The following GALNTL6 variants were observed in gnomAD, a reference collection of about 807,000 sequenced individuals.
The protein encoded by GALNTL6 is polypeptide N-acetylgalactosaminyltransferase-like 6.
In GALNTL6, 46 loss-of-function variants were observed where a neutral mutation model predicts 73.7. The ratio of observed to expected loss-of-function variants is 0.62; its 90% confidence interval spans 0.49 to 0.80. The LOEUF (loss-of-function observed/expected upper bound fraction) is 0.80. Ranked by LOEUF, GALNTL6 falls within the 30% of genes least tolerant of loss-of-function variation. The pLI is 0.00. For synonymous variants in GALNTL6, 259 were observed against 263.7 expected, an observed-to-expected ratio of 0.98 and a Z score of 0.17; for missense variants, 604 against 755.0, an observed-to-expected ratio of 0.80 and a Z score of 2.34.
chr4:172,255,898 AAT>A (rs768491026), intron 3 of GALNTL6, among the ~76,000 whole-genome samples: 7 of 151,490 alleles, frequency 4.6e-5, no homozygotes, highest in Non-Finnish European at 1.0e-4. Context: ...AAGAGGGGAG[AAT>A]GAACAATATC....
At position 171,893,554 on chromosome 4, in the gene GALNTL6, A is replaced by C. The variant is rs532918062; in HGVS notation, c.138+78836A>C. 6.6e-5 allele frequency among the ~76,000 whole-genome samples: 10 copies of C among 152,272 alleles called. No individual in the cohort carries two copies. In the South Asian group the frequency reaches 2.1e-3, roughly 32 times the overall value. On this transcript the variant is annotated intron_variant, in intron 2 of 12. Transcript: ENST00000506823. ...ATTTTACATAGATGTAGAAAATAGA[A>C]AATGCCCAATATCTGTGTTCCTGAA...
chr4:172,157,153 T>C (rs941348866), intron 2 of GALNTL6, among the ~76,000 whole-genome samples: 4 of 152,198 alleles, frequency 2.6e-5, no homozygotes, highest in Non-Finnish European at 5.9e-5. Context: ...ATTCCAGCAA[T>C]TGAAAATTAT....
At chr4:172,181,003 A>C (rs2110853185) in intron 2 of GALNTL6, among the ~76,000 whole-genome samples, 1 of 152,290 alleles carries the variant, frequency 6.6e-6, no homozygotes, top group Admixed American at 6.5e-5. Context: ...GAAGAAAGTC[A>C]ATGGTAGCTT....
intron 2 of GALNTL6, among the ~76,000 whole-genome samples, chr4:172,200,122 A>G (rs1053429288): frequency 2.0e-5 from 3 of 152,214 alleles, no homozygotes; most frequent in Admixed American, 6.5e-5. Context: ...ATCATCAGTA[A>G]TTTAGATGAA....
At chr4:171,932,577 A>G (rs1738221003) in intron 2 of GALNTL6, among the ~76,000 whole-genome samples, 1 of 152,176 alleles carries the variant, frequency 6.6e-6, no homozygotes, top group Non-Finnish European at 1.5e-5. Flanking sequence ...GCTCTTGAAG[A>G]AATGGGCAAA....
intron 7 of GALNTL6, among the ~76,000 whole-genome samples, chr4:172,815,035 T>A (rs1036273320): frequency 6.6e-6 from 1 of 152,166 alleles, no homozygotes; most frequent in Non-Finnish European, 1.5e-5. Context: ...ATCTTTTTAG[T>A]AATCTAAGCA....
intron 5 of GALNTL6, among the ~76,000 whole-genome samples, chr4:172,757,905 A>T (rs1340267035): frequency 6.6e-6 from 1 of 152,254 alleles, no homozygotes; most frequent in African/African-American, 2.4e-5. Context: ...GCACAAAAGC[A>T]TATGTTCTAC....
intron 2 of GALNTL6, among the ~76,000 whole-genome samples, chr4:171,887,192 G>A (rs1736629462): frequency 6.6e-6 from 1 of 152,136 alleles, no homozygotes; most frequent in Admixed American, 6.6e-5. Flanking sequence ...TAATCCCTTT[G>A]TGAGGGAGGA....
intron 2 of GALNTL6, among the ~76,000 whole-genome samples, chr4:171,897,471 G>A (rs1736954658): frequency 1.3e-5 from 2 of 152,104 alleles, no homozygotes; most frequent in Non-Finnish European, 1.5e-5. Flanking sequence ...GAAAGAAATG[G>A]TTAAATGGAC....
intron 4 of GALNTL6, among the ~76,000 whole-genome samples, chr4:172,348,275 A>G (rs999907089): frequency 6.6e-6 from 1 of 152,180 alleles, no homozygotes; most frequent in Non-Finnish European, 1.5e-5. Flanking sequence ...CATTTCAAAA[A>G]CTGACAAATT....
intron 5 of GALNTL6, among the ~76,000 whole-genome samples, chr4:172,633,554 T>C (rs837215): frequency 1 from 151,590 of 152,266 alleles, 75,461 homozygotes; most frequent in Middle Eastern, 1. Flanking sequence ...GGCTTATAGG[T>C]GGGAGGGACT....
At chr4:171,965,343 A>C (rs1312051198) in intron 2 of GALNTL6, among the ~76,000 whole-genome samples, 15 of 152,192 alleles carry the variant, frequency 9.9e-5, no homozygotes. Flanking sequence ...AGAATCCAGA[A>C]AGACCTATTA....
intron 2 of GALNTL6, among the ~76,000 whole-genome samples, chr4:171,971,498 T>TA (rs1263164694): frequency 6.6e-6 from 1 of 152,152 alleles, no homozygotes; most frequent in Non-Finnish European, 1.5e-5. Context: ...TGATAGTAAA[T>TA]AAAAGTTAAA....
At chr4:172,896,398 G>A (rs922379264) in intron 8 of GALNTL6, among the ~76,000 whole-genome samples, 4 of 152,162 alleles carry the variant, frequency 2.6e-5, no homozygotes, top group African/African-American at 9.7e-5. Flanking sequence ...AGGACTCTCA[G>A]GTTGATGTGG....
chr4:172,309,916 T>G (rs2111141087), intron 3 of GALNTL6, among the ~76,000 whole-genome samples: 1 of 152,060 alleles, frequency 6.6e-6, no homozygotes, highest in African/African-American at 2.4e-5. Flanking sequence ...GAATGAAAAT[T>G]GTATAAAACG....
chr4:172,592,716 C>CTATCGA (rs1553963436), intron 5 of GALNTL6, among the ~76,000 whole-genome samples: 20 of 151,536 alleles, frequency 1.3e-4, no homozygotes, highest in East Asian at 1.9e-4. Flanking sequence ...ATCTATCTAT[C>CTATCGA]GAGAGAGACT....
intron 8 of GALNTL6, among the ~76,000 whole-genome samples, chr4:172,927,651 A>C (rs559577331): frequency 6.6e-6 from 1 of 152,258 alleles, no homozygotes; most frequent in East Asian, 1.9e-4. Flanking sequence ...CAGTGCTGGC[A>C]GCTAATGTTG....
intron 5 of GALNTL6, among the ~76,000 whole-genome samples, chr4:172,717,365 A>G (rs1735168775): frequency 6.6e-6 from 1 of 152,208 alleles, no homozygotes; most frequent in South Asian, 2.1e-4. Context: ...TTTGATCTTT[A>G]TTAAACGGGA....
At chr4:172,021,859 G>A (rs998386699) in intron 2 of GALNTL6, among the ~76,000 whole-genome samples, 16 of 152,116 alleles carry the variant, frequency 1.1e-4, no homozygotes, top group African/African-American at 3.4e-4. Context: ...TTCAATAAAT[G>A]GTCCTAGAAA....
Sources: gnomAD v4.1 joint callset for allele counts (sites outside exome capture counted in the v4.1 genomes callset) on GRCh38, gnomAD v4.1.1 for gene constraint, MANE v1.5 for transcripts, NCBI Gene and HGNC (gene_info 2026-07-23, HGNC 2026-07-21) for gene names.